Variants in DLG5 observed in about 807,000 individuals in gnomAD.
The protein encoded by DLG5 is discs large MAGUK scaffold protein 5, also known as disks large homolog 5.
DLG5 carries 48 observed loss-of-function variants against 189.8 expected under a neutral mutation model. The ratio of observed to expected loss-of-function variants is 0.25; its 90% confidence interval spans 0.20 to 0.32. The LOEUF (loss-of-function observed/expected upper bound fraction) is 0.32. Ranked by LOEUF, DLG5 falls within the 10% of genes least tolerant of loss-of-function variation. The probability of loss-of-function intolerance (pLI) is 1.00; values close to 1 mark genes in which losing one functional copy is unlikely to be tolerated. For synonymous variants in DLG5, 1,016 were observed against 1,054.1 expected (o/e 0.96, Z 0.70); for missense variants, 2,160 against 2,544.7 (o/e 0.85, Z 3.25).
At chr10:77,927,359 T>A (rs1308868235), upstream of DLG5, 4 of 152,306 alleles carry the variant, frequency 2.6e-5, no homozygotes, top group African/African-American at 4.8e-5. Flanking sequence ...GGTCCTAATC[T>A]GAGAACTCCA....
chr10:77,918,018 C>CAAAAAAA (rs946645342), intron 1 of DLG5, among the ~76,000 whole-genome samples: 2 of 117,372 alleles, frequency 1.7e-5, no homozygotes, highest in Non-Finnish European at 1.7e-5. Context: ...AACTCTGTCT[C>CAAAAAAA]AAAAAAAAAA....
At position 77,873,814 on chromosome 10, in the gene DLG5, C is replaced by T. The variant is rs929653222; in HGVS notation, c.305-4617G>A. Among the ~76,000 whole-genome samples, 8 of 152,266 alleles carry T rather than the reference C, an allele frequency of 5.3e-5. No individual in the cohort carries two copies. In the East Asian group the frequency reaches 9.7e-4, roughly 18 times the overall value. The stretch of plus-strand genomic sequence containing the variant: ...AGAAAGGCAGAGAGCTGACGGCTCA[C>T]GGTCACAGGGAGGCCAGCACCCCCT... On this transcript the variant is annotated intron_variant, in intron 1 of 31. Transcript: ENST00000372391.
At chr10:77,808,621 G>C (rs188890530) in intron 24 of DLG5, among the ~76,000 whole-genome samples, 40 of 152,230 alleles carry the variant, frequency 2.6e-4, no homozygotes, top group Admixed American at 9.8e-4. Context: ...GGAGACCACA[G>C]AGAAAGACCA....
At chr10:77,877,968 C>T (rs184828596) in intron 1 of DLG5, among the ~76,000 whole-genome samples, 3 of 152,310 alleles carry the variant, frequency 2.0e-5, no homozygotes, top group Admixed American at 2.0e-4. Context: ...ATGCTCCAGC[C>T]GGACATCCCC....
chr10:77,931,468 T>C (rs1846785620), upstream of DLG5, among the ~76,000 whole-genome samples: 1 of 151,704 alleles, frequency 6.6e-6, no homozygotes, highest in Non-Finnish European at 1.5e-5. Flanking sequence ...GAGGCTAGGT[T>C]CAAACTCCTG....
chr10:77,813,514 C>A (rs1233055612), intron 20 of DLG5, among the ~76,000 whole-genome samples: 1 of 152,010 alleles, frequency 6.6e-6, no homozygotes, highest in East Asian at 1.9e-4. Context: ...CTCCCTTGAC[C>A]CTCCAGCTCA....
intron 13 of DLG5, among the ~76,000 whole-genome samples, chr10:77,828,298 C>A (rs2154575859): frequency 6.6e-6 from 1 of 152,034 alleles, no homozygotes; most frequent in Admixed American, 6.5e-5. Flanking sequence ...CCAGCCTGGC[C>A]AACATGGTGA....
At position 77,796,813 on chromosome 10, in the gene DLG5, T is replaced by C. The variant is rs2154574834; in HGVS notation, c.5165-219A>G. ...GCCCTCTGTGAACACCAGAGGCAGCTGGTCTCAACCACTCATCCCAGAGCT... is the reference window on the plus strand; with the variant it reads ...GCCCTCTGTGAACACCAGAGGCAGCCGGTCTCAACCACTCATCCCAGAGCT... On this transcript the variant is annotated intron_variant, in intron 27 of 31. Coordinates refer to ENST00000372391, the MANE Select transcript of DLG5 (RefSeq NM_004747.4). This position sits in a 1 kb window ranked among gnomAD's most constrained non-coding sequence, Gnocchi z 5.2. 6.6e-6 allele frequency among the ~76,000 whole-genome samples: 1 copy of C among 152,342 alleles called. No homozygotes were observed. Among genetic ancestry groups the C allele is most frequent in the East Asian group, 1.9e-4 (1 of 5,186 alleles).
At chr10:77,873,226 A>G (rs1271866382) in intron 1 of DLG5, among the ~76,000 whole-genome samples, 1 of 152,108 alleles carries the variant, frequency 6.6e-6, no homozygotes, top group Non-Finnish European at 1.5e-5. Flanking sequence ...ATTCTTTACT[A>G]TCAAAGGAAC....
At chr10:77,896,024 G>T (rs1236275130) in intron 1 of DLG5, among the ~76,000 whole-genome samples, 1 of 152,102 alleles carries the variant, frequency 6.6e-6, no homozygotes, top group Non-Finnish European at 1.5e-5. Flanking sequence ...GCCAGGCGTG[G>T]TGATGCACGC....
chr10:77,880,606 C>T (rs1181693442), intron 1 of DLG5, among the ~76,000 whole-genome samples: 2 of 152,292 alleles, frequency 1.3e-5, no homozygotes, highest in East Asian at 3.9e-4. Context: ...TGAATCTGCA[C>T]TCCACCTACC....
In DLG5 at chr10:77,819,912, G is replaced by C. The variant is rs754103647; in HGVS notation, c.3509C>G (p.Pro1170Arg). 1.3e-6 allele frequency: 2 copies of C among 1,589,422 alleles called. No homozygotes were observed. The highest frequency in any genetic ancestry group is 1.3e-5 in the African/African-American group (1 of 74,338). The change falls in exon 16 of 32, where the codon CCT becomes CGT. Residue 1170 changes from proline to arginine, a missense_variant. Around this residue, in one of 5 missense-constraint regions of DLG5, gnomAD observed 754 missense variants for 746.5 expected, o/e 1.01. Transcript: ENST00000372391. Reference protein sequence around the residue: ...SSRHSNPPLYPSRPSVGTVPR... With the variant: ...SSRHSNPPLYRSRPSVGTVPR... ...TGACTCACCCACAGACGGCCTGCTA[G>C]GGTATAGCGGGGGGTTGCTGTGCCG... is the stretch of plus-strand genomic sequence containing the variant.
chr10:77,816,752 A>G (rs756221449), intron 19 of DLG5, 51 bp from the exon 20 acceptor site: 1 of 1,567,130 alleles, frequency 6.4e-7, no homozygotes, highest in Non-Finnish European at 8.7e-7. Flanking sequence ...TCACTTCCCC[A>G]ACAGCCAAGA....
In DLG5 at chr10:77,898,720, C is replaced by T. The variant is rs1366030639; in HGVS notation, c.304+27497G>A. Among the ~76,000 whole-genome samples, 11 of 152,246 alleles carry T rather than the reference C, an allele frequency of 7.2e-5. No individual in the cohort carries two copies. The East Asian group carries it at 2.1e-3, about 29-fold the overall frequency. ...TGCTCCTGAGGAAGTGGGCCCCTGC[C>T]CCCTCCATGGCCTGGCTCCTGACAG... is the stretch of plus-strand genomic sequence containing the variant. On this transcript the variant is annotated intron_variant, in intron 1 of 31. Transcript: ENST00000372391.
intron 1 of DLG5, among the ~76,000 whole-genome samples, chr10:77,896,700 G>A (rs994366462): frequency 1.8e-4 from 27 of 151,862 alleles, no homozygotes; most frequent in African/African-American, 2.7e-4. Flanking sequence ...AAAATTTGCC[G>A]GGCATGGTGA....
chr10:77,848,947 A>C (rs1467696408), intron 5 of DLG5, among the ~76,000 whole-genome samples: 1 of 152,162 alleles, frequency 6.6e-6, no homozygotes, highest in East Asian at 1.9e-4. Flanking sequence ...AGATGCAAAA[A>C]CACCCTCTAC....
At position 77,806,760 on chromosome 10, in the gene DLG5, A is replaced by G. The variant is rs1178660256; in HGVS notation, c.4965T>C (p.Tyr1655=). 8 of 1,578,866 alleles carry G rather than the reference A, an allele frequency of 5.1e-6. No homozygotes were observed. The highest frequency in any genetic ancestry group is 6.9e-6 in the Non-Finnish European group (8 of 1,159,466). The stretch of plus-strand genomic sequence containing the variant: ...CCCCAGGCCCGGAGAACACTTACAC[A>G]TATTTGCTGGGAATCTGCCCGCGCT... The part of the protein sequence containing the change: ...KIQRGQIPSK[Y]VMDQEFSRRL... Residue 1655 remains tyrosine (Y), a splice_region_variant and synonymous_variant, in exon 26 of 32, where the codon TAT becomes TAC. Coordinates refer to ENST00000372391, the MANE Select transcript of DLG5 (RefSeq NM_004747.4).
chr10:77,840,952 C>G (rs375159738), intron 7 of DLG5, among the ~76,000 whole-genome samples: 2 of 152,222 alleles, frequency 1.3e-5, no homozygotes, highest in African/African-American at 4.8e-5. Flanking sequence ...GCATACCAGC[C>G]CTGCCAATCT....
intron 13 of DLG5, among the ~76,000 whole-genome samples, chr10:77,825,284 T>A (rs1267865569): frequency 6.6e-6 from 1 of 151,740 alleles, no homozygotes; most frequent in Non-Finnish European, 1.5e-5. Flanking sequence ...AAATGGGCAG[T>A]GGGAGGGAGA....
Sources: gnomAD v4.1 joint callset for allele counts (sites outside exome capture counted in the v4.1 genomes callset) on GRCh38, gnomAD v4.1.1 for gene constraint, gnomAD v4.1.1 regional missense constraint, Gnocchi (gnomAD v3.1) non-coding constraint, MANE v1.5 for transcripts, NCBI Gene and HGNC (gene_info 2026-07-23, HGNC 2026-07-21) for gene names.